CA9: variants seen among roughly 807,000 people sequenced by gnomAD.
The protein encoded by CA9 is carbonic anhydrase 9.
In CA9, 43 loss-of-function variants were observed where a neutral mutation model predicts 51.8. The ratio of observed to expected loss-of-function variants is 0.83; its 90% CI spans 0.65 to 1.07. CA9 has a LOEUF of 1.07. CA9 is among the 50% of genes least tolerant of loss of function. The pLI is 0.00. For synonymous variants in CA9, 253 were observed against 244.2 expected, an observed-to-expected ratio of 1.04 and a Z score of -0.34; for missense variants, 574 against 581.4, an observed-to-expected ratio of 0.99 and a Z score of 0.13.
At chr9:35,674,679 T>C (rs966775657) in intron 1 of CA9, 5 of 242,486 alleles carry the variant, frequency 2.1e-5, no homozygotes, top group Admixed American at 1.0e-4. Context: ...AAAAAATAGG[T>C]GGAGAAGGAG....
Position 35,675,568 on chromosome 9 carries a change from G to T in CA9, c.433+1G>T. 1.2e-6 allele frequency: 2 copies of T among 1,614,084 alleles called. No individual in the cohort carries two copies. The highest frequency in any genetic ancestry group is 2.2e-5 in the South Asian group (2 of 91,078). ...GACCAGAGTCATTGGCGCTATGGAG[G>T]TGAGACACCCACCCGCTGCACAGAC... On this transcript the variant is annotated splice_donor_variant, in intron 2 of 10. Transcript: ENST00000378357. LOFTEE classifies it high-confidence loss of function.
Position 35,674,257 on chromosome 9 carries a change from C to G in CA9, c.298C>G (p.Pro100Ala), listed in dbSNP as rs368118579. The G allele has an allele frequency of 2.5e-6, 4 of 1,613,976 alleles. No individual in the cohort carries two copies. The African/African-American group carries it at 5.3e-5, about 22-fold the overall frequency. ...AGAGGAGGATCTACCTGAAGTTAAG[C>G]CTAAATCAGAAGAAGAGGGCTCCCT... ...PGEEDLPEVKPKSEEEGSLKL... is the reference protein window; with the variant it reads ...PGEEDLPEVKAKSEEEGSLKL... The change falls in exon 1 of 11, where the codon CCT becomes GCT. Residue 100 changes from proline to alanine, a missense_variant. By Grantham distance (27) the Pro-to-Ala change is conservative. Coordinates refer to ENST00000378357, the MANE Select transcript of CA9 (RefSeq NM_001216.3).
intron 6 of CA9, 65 bp from the exon 7 acceptor site, chr9:35,679,120 C>A: frequency 6.4e-7 from 1 of 1,571,756 alleles, no homozygotes; most frequent in South Asian, 1.1e-5. Flanking sequence ...AAACTGTATC[C>A]CTATACCCTG....
chr9:35,674,370 G>A lies in CA9; in HGVS notation c.403+8G>A. On this transcript the variant is annotated splice_region_variant and intron_variant, in intron 1 of 10. Coordinates refer to ENST00000378357, the MANE Select transcript of CA9 (RefSeq NM_001216.3). ...CCCACAGGGACAAAGAAGGTAAGTGGTCATCAATCTCCAAATCCAGGTTCC... is the reference window on the plus strand; with the variant it reads ...CCCACAGGGACAAAGAAGGTAAGTGATCATCAATCTCCAAATCCAGGTTCC... 6.2e-7 allele frequency: 1 copy of A among 1,601,516 alleles called. No individual in the cohort carries two copies. The highest frequency in any genetic ancestry group is 2.2e-5 in the East Asian group (1 of 44,832).
At chr9:35,676,454 G>T in intron 5 of CA9, 65 bp downstream of exon 5, 1 of 1,342,370 alleles carries the variant, frequency 7.4e-7, no homozygotes, top group Non-Finnish European at 1.0e-6. Flanking sequence ...GGACTCTATC[G>T]TGGAGCCAGA....
At position 35,675,885 on chromosome 9, in the gene CA9, G is replaced by T; in HGVS notation, c.558G>T (p.Gln186His). 2 of 1,605,404 alleles carry T rather than the reference G, an allele frequency of 1.2e-6. No individual in the cohort carries two copies. Among genetic ancestry groups the T allele is most frequent in the Non-Finnish European group, 1.7e-6 (2 of 1,178,114 alleles). Residue 186 changes from glutamine (Q) to histidine (H), a missense_variant, in exon 3 of 11, where the codon CAG becomes CAT. Transcript: ENST00000378357. ...GCCCCCTGGAACTCCTGGGCTTCCA[G>T]CTCCCGCCGCTCCCAGAACTGCGCC... The part of the protein sequence containing the change: ...ALRPLELLGF[Q>H]LPPLPELRLR...
At chr9:35,674,561 G>A (rs185708708) in intron 1 of CA9, 199 bp downstream of exon 1, 6 of 552,612 alleles carry the variant, frequency 1.1e-5, no homozygotes, top group Admixed American at 6.7e-5. Context: ...AAATAAAAAG[G>A]GTGCAAAAGG....
In CA9 at chr9:35,673,987, C is replaced by T. The variant is rs1462342930; in HGVS notation, c.28C>T (p.Leu10Phe). The T allele has an allele frequency of 6.2e-7, 1 of 1,608,752 alleles. No homozygotes were observed. The highest frequency in any genetic ancestry group is 1.3e-5 in the African/African-American group (1 of 74,906). MAPLCPSPW[L>F]PLLIPAPAPG... is the part of the protein sequence containing the mutation. ...GGCTCCCCTGTGCCCCAGCCCCTGG[C>T]TCCCTCTGTTGATCCCGGCCCCTGC... is the stretch of plus-strand genomic sequence containing the variant. The change falls in exon 1 of 11, where the codon CTC (leucine) becomes TTC (phenylalanine). Residue 10 changes from leucine (L) to phenylalanine (F), a missense_variant. Leu to Phe is a conservative substitution (Grantham distance 22, BLOSUM62 0). Coordinates refer to ENST00000378357, the MANE Select transcript of CA9 (RefSeq NM_001216.3).
intron 5 of CA9, among the ~76,000 whole-genome samples, chr9:35,677,322 C>T (rs961273619): frequency 8.5e-5 from 13 of 152,110 alleles, no homozygotes; most frequent in African/African-American, 2.7e-4. Context: ...ATGTCAGGAC[C>T]TCACCTGAAA....
At chr9:35,675,703 GGTTCCCTAA>G in intron 2 of CA9, 49 bp from the exon 3 acceptor site, 1 of 1,369,626 alleles carries the variant, frequency 7.3e-7, no homozygotes, top group Non-Finnish European at 1.0e-6. Flanking sequence ...TTTCTACCCG[GGTTCCCTAA>G]GTTCCTGACC....
chr9:35,678,545 T>C (rs1294902776), intron 6 of CA9, among the ~76,000 whole-genome samples: 1 of 152,112 alleles, frequency 6.6e-6, no homozygotes, highest in Admixed American at 6.5e-5. Context: ...TTAGTCACTC[T>C]TGGGTCATTT....
chr9:35,678,694 T>TC (rs1824472291), intron 6 of CA9, among the ~76,000 whole-genome samples: 1 of 140,868 alleles, frequency 7.1e-6, no homozygotes, highest in Admixed American at 6.9e-5. Flanking sequence ...TTTTTTCTTT[T>TC]CTTTTCTTTT....
Position 35,676,093 on chromosome 9 carries a change from A to G in CA9, c.634A>G (p.Met212Val), listed in dbSNP as rs768302615. 1.9e-6 allele frequency: 3 copies of G among 1,612,510 alleles called. No individual in the cohort carries two copies. Among genetic ancestry groups the G allele is most frequent in the Admixed American group, 1.7e-5 (1 of 59,862 alleles). Residue 212 changes from methionine (M) to valine (V), a missense_variant, in exon 4 of 11, where the codon ATG becomes GTG. Transcript: ENST00000378357. ...ACTGACCCTGCCTCCTGGGCTAGAG[A>G]TGGCTCTGGGTCCCGGGCGGGAGTA... ...VQLTLPPGLEMALGPGREYRA... is the reference protein window; with the variant it reads ...VQLTLPPGLEVALGPGREYRA...
At chr9:35,679,740 G>T in intron 7 of CA9, 114 bp from the exon 8 acceptor site, 1 of 945,532 alleles carries the variant, frequency 1.1e-6, no homozygotes, top group East Asian at 2.6e-5. Flanking sequence ...GAGGCTGGAT[G>T]GGGAATACAG....
chr9:35,675,251 C>G, intron 1 of CA9: 1 of 480,490 alleles, frequency 2.1e-6, no homozygotes, highest in Non-Finnish European at 3.7e-6. Flanking sequence ...ACCCTGGCCT[C>G]CCAAAGTGCT....
Position 35,680,041 on chromosome 9 carries a change from C to T in CA9, c.1210+43C>T. 3 of 1,614,200 alleles carry T rather than the reference C, an allele frequency of 1.9e-6. No individual in the cohort carries two copies. In the East Asian group the frequency reaches 6.7e-5, roughly 36 times the overall value. On this transcript the variant is annotated intron_variant, in intron 8 of 10. Transcript: ENST00000378357. Reference sequence around the variant, plus strand: ...TTCCCCCCAGCCAGTAGTCCCTTATCCTCCCATGTGTGTGCCAGTGTCTGT... The same window carrying T: ...TTCCCCCCAGCCAGTAGTCCCTTATTCTCCCATGTGTGTGCCAGTGTCTGT...
At chr9:35,677,438 T>A (rs1341521761) in intron 5 of CA9, among the ~76,000 whole-genome samples, 1 of 152,064 alleles carries the variant, frequency 6.6e-6, no homozygotes, top group Non-Finnish European at 1.5e-5. Flanking sequence ...TGAGTGAGAC[T>A]GCAAACGTCA....
At chr9:35,676,835 C>G (rs1824432336) in intron 5 of CA9, among the ~76,000 whole-genome samples, 1 of 152,102 alleles carries the variant, frequency 6.6e-6, no homozygotes, top group Non-Finnish European at 1.5e-5. Context: ...GAGATGCCTG[C>G]TAGGTTCACT....
In CA9 at chr9:35,673,969, C is replaced by A. The variant is rs1437388875; in HGVS notation, c.10C>A (p.Leu4Met). The A allele has an allele frequency of 3.1e-6, 5 of 1,602,028 alleles. No individual in the cohort carries two copies. Among genetic ancestry groups the A allele is most frequent in the Non-Finnish European group, 4.3e-6 (5 of 1,173,542 alleles). Residue 4 changes from leucine to methionine, a missense_variant, in exon 1 of 11, where the codon CTG becomes ATG. Transcript: ENST00000378357. MAP[L>M]CPSPWLPLLI... is the part of the protein sequence containing the mutation. ...CCCCACAGTCAGCCGCATGGCTCCC[C>A]TGTGCCCCAGCCCCTGGCTCCCTCT...
Sources: gnomAD v4.1 joint callset for allele counts (sites outside exome capture counted in the v4.1 genomes callset) on GRCh38, gnomAD v4.1.1 for gene constraint, MANE v1.5 for transcripts, NCBI Gene and HGNC (gene_info 2026-07-23, HGNC 2026-07-21) for gene names.